The following CYSTM1 variants were observed in gnomAD, a reference collection of about 807,000 sequenced individuals.
CYSTM1 encodes the protein cysteine-rich transmembrane module-containing protein 1.
A neutral mutation model predicts 13.1 loss-of-function variants in CYSTM1; 4 were observed. The observed-to-expected ratio is 0.31, with a 90% CI of 0.15 to 0.70. The LOEUF is 0.70. Ranked by LOEUF, CYSTM1 falls within the 30% of genes least tolerant of loss-of-function variation. The probability of loss-of-function intolerance (pLI) is 0.72; values close to 1 mark genes in which losing one functional copy is unlikely to be tolerated. For synonymous variants in CYSTM1, 36 were observed against 42.7 expected (o/e 0.84, Z 0.62); for missense variants, 96 against 121.6 (o/e 0.79, Z 0.99).
intron 2 of CYSTM1, among the ~76,000 whole-genome samples, chr5:140,221,267 C>T (rs1386654096): frequency 1.3e-5 from 2 of 152,202 alleles, no homozygotes; most frequent in Non-Finnish European, 2.9e-5. Context: ...AATTCATTGG[C>T]ATTAAGTACA....
chr5:140,185,897 G>A (rs1352818636), intron 1 of CYSTM1, among the ~76,000 whole-genome samples: 1 of 152,088 alleles, frequency 6.6e-6, no homozygotes, highest in East Asian at 1.9e-4. Flanking sequence ...TTCCGATTGG[G>A]GAGTCATTTG....
chr5:140,242,096 TA>T (rs1764756670), intron 2 of CYSTM1, among the ~76,000 whole-genome samples: 1 of 152,152 alleles, frequency 6.6e-6, no homozygotes, highest in East Asian at 1.9e-4. Flanking sequence ...GGCCTCAGAA[TA>T]AATGAGCCAT....
intron 1 of CYSTM1, among the ~76,000 whole-genome samples, chr5:140,180,943 T>A (rs536652540): frequency 7.2e-5 from 11 of 152,226 alleles, no homozygotes; most frequent in Admixed American, 1.3e-4. Context: ...TTATTTGTAC[T>A]AAAGAATCAT....
At chr5:140,223,225 AAGG>A (rs3083614) in intron 2 of CYSTM1, among the ~76,000 whole-genome samples, 31 of 152,046 alleles carry the variant, frequency 2.0e-4, no homozygotes, top group African/African-American at 7.5e-4. Context: ...TGCAAAGGAG[AAGG>A]AGGAGGAGGA....
At chr5:140,193,508 T>G (rs1482326983) in intron 1 of CYSTM1, among the ~76,000 whole-genome samples, 1 of 152,182 alleles carries the variant, frequency 6.6e-6, no homozygotes, top group Non-Finnish European at 1.5e-5. Flanking sequence ...GGTCTCAATC[T>G]CAACGTGATC....
At chr5:140,198,186 C>T (rs1170601161) in intron 2 of CYSTM1, among the ~76,000 whole-genome samples, 1 of 152,176 alleles carries the variant, frequency 6.6e-6, no homozygotes, top group Non-Finnish European at 1.5e-5. Flanking sequence ...ACAACAACCC[C>T]ATAGTATCAG....
At chr5:140,238,021 A>C (rs1764704806) in intron 2 of CYSTM1, among the ~76,000 whole-genome samples, 1 of 152,142 alleles carries the variant, frequency 6.6e-6, no homozygotes, top group Admixed American at 6.5e-5. Flanking sequence ...TGGCAACCTG[A>C]ATGCTTGTTG....
intron 1 of CYSTM1, among the ~76,000 whole-genome samples, chr5:140,191,421 A>T (rs1445452130): frequency 6.6e-6 from 1 of 152,196 alleles, no homozygotes; most frequent in African/African-American, 2.4e-5. Flanking sequence ...CATACCAAAA[A>T]TGAGAGGGAA....
chr5:140,176,827 T>G (rs1319291061), intron 1 of CYSTM1, among the ~76,000 whole-genome samples: 1 of 152,124 alleles, frequency 6.6e-6, no homozygotes, highest in Non-Finnish European at 1.5e-5. Flanking sequence ...CCCAGCACTT[T>G]GGGAGGCCGA....
chr5:140,222,826 GGGAA>G (rs1166227197), intron 2 of CYSTM1, among the ~76,000 whole-genome samples: 10 of 152,304 alleles, frequency 6.6e-5, no homozygotes, highest in African/African-American at 2.4e-4. Context: ...TAGGGAATAT[GGGAA>G]CACTGACAAT....
intron 2 of CYSTM1, among the ~76,000 whole-genome samples, chr5:140,237,120 G>T (rs1764691416): frequency 6.6e-6 from 1 of 152,172 alleles, no homozygotes; most frequent in Non-Finnish European, 1.5e-5. Flanking sequence ...TGGCTGAGGG[G>T]CATTCACTCG....
rs993688175 is a variant in CYSTM1, at chr5:140,239,853, C to G, written c.188-3452C>G. 1.4e-4 allele frequency among the ~76,000 whole-genome samples: 21 copies of G among 152,200 alleles called. No homozygotes were observed. Among genetic ancestry groups the G allele is most frequent in the African/African-American group, 5.1e-4 (21 of 41,446 alleles). Reference sequence around the variant, plus strand: ...AGTGCAGGGTCCCCTGGACCTGACCCCCACTCCACCTGTAGTCCCCTAGGA... The same window carrying G: ...AGTGCAGGGTCCCCTGGACCTGACCGCCACTCCACCTGTAGTCCCCTAGGA... On this transcript the variant is annotated intron_variant, in intron 2 of 2. Coordinates refer to ENST00000261811, the MANE Select transcript of CYSTM1 (RefSeq NM_032412.4). The surrounding 1 kb of genome is among the most constrained non-coding windows in gnomAD (Gnocchi z 5.4).
intron 1 of CYSTM1, among the ~76,000 whole-genome samples, chr5:140,180,590 CT>C (rs1763951042): frequency 6.6e-6 from 1 of 152,160 alleles, no homozygotes; most frequent in Non-Finnish European, 1.5e-5. Context: ...ACAAAGGAGT[CT>C]TCAAAAGGAA....
chr5:140,216,005 G>C lies in CYSTM1; in HGVS notation c.187+21353G>C, dbSNP rs1764421368. ...AAAATACAAAAAATTATCTGGGCAT[G>C]GTGGCACGTGCCTGTAGTCCCAGAT... On this transcript the variant is annotated intron_variant, in intron 2 of 2. Transcript: ENST00000261811. 2.6e-5 allele frequency among the ~76,000 whole-genome samples: 4 copies of C among 152,050 alleles called. No homozygotes were observed. The South Asian group carries it at 8.3e-4, about 32-fold the overall frequency.
chr5:140,194,374 A>T (rs1019875607), intron 1 of CYSTM1, 72 bp from the exon 2 acceptor site: 4 of 1,374,704 alleles, frequency 2.9e-6, no homozygotes, highest in Non-Finnish European at 3.9e-6. Context: ...AAATGATCTT[A>T]TGGGTTAGGA....
At chr5:140,209,992 A>T (rs141764768) in intron 2 of CYSTM1, among the ~76,000 whole-genome samples, 206 of 152,218 alleles carry the variant, frequency 1.4e-3, no homozygotes, top group African/African-American at 4.7e-3. Context: ...CAGAATGGAG[A>T]GATGTAGTTT....
chr5:140,203,419 T>C (rs1414554079), intron 2 of CYSTM1, among the ~76,000 whole-genome samples: 1 of 152,214 alleles, frequency 6.6e-6, no homozygotes, highest in African/African-American at 2.4e-5. Context: ...ACATGAAGTC[T>C]ATCTAGCCTA....
rs1489536712 is a variant in CYSTM1 at position 140,219,766 on chromosome 5, G to A, written c.188-23539G>A. Among the ~76,000 whole-genome samples, 1 of 152,166 alleles carries A rather than the reference G, an allele frequency of 6.6e-6. No individual in the cohort carries two copies. Among genetic ancestry groups the A allele is most frequent in the East Asian group, 1.9e-4 (1 of 5,192 alleles). On this transcript the variant is annotated intron_variant, in intron 2 of 2. Transcript: ENST00000261811. This position sits in a 1 kb window ranked among gnomAD's most constrained non-coding sequence, Gnocchi z 4.1. ...TGATATGGCAGTGTTTACCTTCTTA[G>A]AAAATGCAGCAAGTACTATTTGAAT...
intron 2 of CYSTM1, among the ~76,000 whole-genome samples, chr5:140,213,832 A>G (rs752491634): frequency 9.2e-5 from 14 of 152,354 alleles, no homozygotes; most frequent in Non-Finnish European, 1.5e-4. Context: ...TAAGTACACT[A>G]TGATGTTCAC....
Sources: gnomAD v4.1 joint callset for allele counts (sites outside exome capture counted in the v4.1 genomes callset) on GRCh38, gnomAD v4.1.1 for gene constraint, Gnocchi (gnomAD v3.1) non-coding constraint, MANE v1.5 for transcripts, NCBI Gene and HGNC (gene_info 2026-07-23, HGNC 2026-07-21) for gene names.